The following DGKB variants were observed in gnomAD, a reference collection of about 807,000 sequenced individuals.
The protein encoded by DGKB is 90 kDa diacylglycerol kinase.
DGKB carries 67 observed loss-of-function variants against 114.3 expected under a neutral mutation model. The ratio of observed to expected loss-of-function variants is 0.59; its 90% CI spans 0.48 to 0.72. DGKB has a LOEUF of 0.72. Ranked by LOEUF, DGKB falls within the 30% of genes least tolerant of loss-of-function variation. The pLI is 0.00. For missense variants in DGKB, 907 were observed against 975.2 expected, an observed-to-expected ratio of 0.93 and a Z score of 0.93; for synonymous variants, 398 against 323.1, an observed-to-expected ratio of 1.23 and a Z score of -2.49.
chr7:14,804,389 T>G (rs1292996375), intron 2 of DGKB, among the ~76,000 whole-genome samples: 1 of 152,044 alleles, frequency 6.6e-6, no homozygotes, highest in Non-Finnish European at 1.5e-5. Flanking sequence ...TAAGTATTTA[T>G]TTTCTATGCT....
chr7:14,315,840 GCAC>G (rs1035445195), intron 23 of DGKB, among the ~76,000 whole-genome samples: 3 of 150,258 alleles, frequency 2.0e-5, no homozygotes, highest in Non-Finnish European at 4.5e-5. Context: ...ATTTTTTTCA[GCAC>G]CACACCACAC....
intron 21 of DGKB, among the ~76,000 whole-genome samples, chr7:14,411,596 T>C (rs1443011304): frequency 4.6e-5 from 7 of 152,172 alleles, no homozygotes; most frequent in African/African-American, 1.4e-4. Context: ...TTTTACTCCA[T>C]GAGTTTTAGC....
chr7:14,400,609 T>A (rs1240904557), intron 21 of DGKB, among the ~76,000 whole-genome samples: 1 of 151,700 alleles, frequency 6.6e-6, no homozygotes, highest in Non-Finnish European at 1.5e-5. Flanking sequence ...TTCCAGTATT[T>A]AATGGAGATC....
intron 16 of DGKB, among the ~76,000 whole-genome samples, chr7:14,612,022 G>A (rs937578170): frequency 1.3e-5 from 2 of 151,342 alleles, no homozygotes; most frequent in Admixed American, 6.6e-5. Context: ...ATTATTTTAT[G>A]AGTAAAACTA....
upstream of DGKB, among the ~76,000 whole-genome samples, chr7:14,906,220 A>AAAAAAC (rs1270104172): frequency 2.0e-5 from 3 of 151,926 alleles, no homozygotes; most frequent in East Asian, 3.9e-4. Context: ...AGCCTTAAAA[A>AAAAAAC]AAAAACAAAA....
chr7:14,207,386 A>G (rs2128298262), intron 23 of DGKB, among the ~76,000 whole-genome samples: 1 of 152,132 alleles, frequency 6.6e-6, no homozygotes, highest in Admixed American at 6.6e-5. Context: ...ACAGGCAGAA[A>G]CAGTTCTGGC....
At chr7:14,389,963 AC>A (rs1821071724) in intron 21 of DGKB, among the ~76,000 whole-genome samples, 2 of 152,030 alleles carry the variant, frequency 1.3e-5, no homozygotes, top group South Asian at 4.1e-4. Context: ...ATCCCATTCA[AC>A]CCCCTTTAGA....
At chr7:14,701,200 A>C (rs191396535) in intron 7 of DGKB, among the ~76,000 whole-genome samples, 1 of 152,330 alleles carries the variant, frequency 6.6e-6, no homozygotes, top group East Asian at 1.9e-4. Flanking sequence ...GCAATCTGTA[A>C]ATACATTTAC....
At chr7:14,325,932 C>A (rs1808629415) in intron 23 of DGKB, among the ~76,000 whole-genome samples, 1 of 152,070 alleles carries the variant, frequency 6.6e-6, no homozygotes, top group Non-Finnish European at 1.5e-5. Flanking sequence ...TACAATCTTA[C>A]ATTTCTATTT....
At chr7:14,358,381 G>A (rs188636453) in intron 21 of DGKB, among the ~76,000 whole-genome samples, 19 of 151,980 alleles carry the variant, frequency 1.3e-4, no homozygotes, top group Middle Eastern at 3.4e-3. Context: ...TGATCGAATC[G>A]GCTATTGAAG....
intron 1 of DGKB, among the ~76,000 whole-genome samples, chr7:14,864,841 T>C (rs1851485157): frequency 6.6e-6 from 1 of 151,690 alleles, no homozygotes; most frequent in South Asian, 2.1e-4. Context: ...GTCTTAAGAC[T>C]TAATCCTTTA....
chr7:14,546,703 T>C (rs1794344902), intron 20 of DGKB, among the ~76,000 whole-genome samples: 2 of 152,266 alleles, frequency 1.3e-5, no homozygotes, highest in South Asian at 4.2e-4. Context: ...ACCATACTGT[T>C]GGGACCCAGC....
chr7:14,166,839 C>G (rs1294278641), intron 25 of DGKB, among the ~76,000 whole-genome samples: 1 of 151,838 alleles, frequency 6.6e-6, no homozygotes, highest in Non-Finnish European at 1.5e-5. Context: ...TAGAAAGTGC[C>G]AAGAAAAACC....
intron 1 of DGKB, among the ~76,000 whole-genome samples, chr7:14,866,504 T>C (rs1384468533): frequency 6.6e-6 from 1 of 152,206 alleles, no homozygotes; most frequent in Non-Finnish European, 1.5e-5. Flanking sequence ...ATATAGTATA[T>C]AGCTGTTCAC....
intron 23 of DGKB, among the ~76,000 whole-genome samples, chr7:14,182,245 G>A (rs1782738308): frequency 6.6e-6 from 1 of 151,442 alleles, no homozygotes; most frequent in East Asian, 1.9e-4. Context: ...TTTATCTTAT[G>A]TAATTTTTCA....
At chr7:14,886,983 C>T (rs1348813266) in intron 1 of DGKB, among the ~76,000 whole-genome samples, 1 of 151,884 alleles carries the variant, frequency 6.6e-6, no homozygotes, top group Non-Finnish European at 1.5e-5. Flanking sequence ...TCTTTATTAT[C>T]TCGTTAATAC....
chr7:14,534,308 A>G, intron 20 of DGKB, among the ~76,000 whole-genome samples: 1 of 152,056 alleles, frequency 6.6e-6, no homozygotes, highest in Non-Finnish European at 1.5e-5. Flanking sequence ...TAGATATGCA[A>G]AAGACAAAGA....
intron 21 of DGKB, among the ~76,000 whole-genome samples, chr7:14,347,708 C>T (rs1406443057): frequency 1.3e-5 from 2 of 151,614 alleles, no homozygotes; most frequent in African/African-American, 4.8e-5. Flanking sequence ...AGTATGGTGG[C>T]TATAGTTAAT....
intron 21 of DGKB, among the ~76,000 whole-genome samples, chr7:14,359,184 C>A (rs1387431076): frequency 6.6e-6 from 1 of 152,142 alleles, no homozygotes; most frequent in African/African-American, 2.4e-5. Context: ...ACCAACTGAT[C>A]TTTGACAAAC....
Sources: allele counts gnomAD v4.1 joint callset (sites outside exome capture counted in the v4.1 genomes callset), GRCh38; gene constraint gnomAD v4.1.1; transcripts MANE v1.5; gene names NCBI Gene and HGNC (gene_info 2026-07-23, HGNC 2026-07-21).